The following PARVB variants were observed in gnomAD, a reference collection of about 807,000 sequenced individuals.
PARVB encodes beta-parvin.
Under a neutral mutation model 47.0 loss-of-function variants are expected in PARVB, and 46 were observed. The ratio of observed to expected loss-of-function variants is 0.98; its 90% confidence interval spans 0.77 to 1.25. PARVB has a LOEUF of 1.25. Among genes scored for constraint, PARVB ranks in the 50% most tolerant of loss-of-function variants. The probability of loss-of-function intolerance (pLI) is 0.00; values close to 1 mark genes in which losing one functional copy is unlikely to be tolerated. For synonymous variants in PARVB, 196 were observed against 196.3 expected (o/e 1.00, Z 0.01); for missense variants, 473 against 471.6 (o/e 1.00, Z -0.03).
chr22:44,096,289 C>T (rs931268482), intron 2 of PARVB, among the ~76,000 whole-genome samples: 15 of 152,288 alleles, frequency 9.8e-5, no homozygotes, highest in African/African-American at 3.4e-4. Flanking sequence ...CCCAGCTACT[C>T]AGGAGGCTGA....
At chr22:44,151,234 G>T (rs537721287) in intron 9 of PARVB, 4 of 441,228 alleles carry the variant, frequency 9.1e-6, no homozygotes, top group African/African-American at 6.0e-5. Flanking sequence ...ATGCGTGCAC[G>T]GATTGGCATA....
intron 8 of PARVB, chr22:44,140,689 G>A: frequency 2.1e-6 from 1 of 476,540 alleles, no homozygotes; most frequent in Non-Finnish European, 4.2e-6. Flanking sequence ...GAGTGTAAAA[G>A]GCTCTCCCCA....
At chr22:44,019,940 A>G (rs1275551753), upstream of PARVB, among the ~76,000 whole-genome samples, 1 of 152,198 alleles carries the variant, frequency 6.6e-6, no homozygotes, top group Admixed American at 6.5e-5. Flanking sequence ...ATTTGGAGGT[A>G]GGGTTGTATG....
chr22:44,094,056 A>G (rs2052237272), intron 2 of PARVB, 39 bp downstream of exon 2: 1 of 1,301,448 alleles, frequency 7.7e-7, no homozygotes, highest in Non-Finnish European at 1.1e-6. Context: ...GAGACAGTTG[A>G]GCTTCCGTGG....
At chr22:44,072,186 C>A (rs9625980) in intron 1 of PARVB, among the ~76,000 whole-genome samples, 2,829 of 152,308 alleles carry the variant, frequency 0.019, 100 homozygotes, top group African/African-American at 0.064. Flanking sequence ...GTTTCCAGAT[C>A]TGTAGAACCC....
chr22:44,137,876 C>A (rs1295585514), intron 7 of PARVB, among the ~76,000 whole-genome samples: 1 of 152,110 alleles, frequency 6.6e-6, no homozygotes, highest in Non-Finnish European at 1.5e-5. Flanking sequence ...CACAGGTCAT[C>A]CTGGATCAAG....
chr22:44,063,547 A>G (rs2051459813), intron 1 of PARVB, among the ~76,000 whole-genome samples: 1 of 152,004 alleles, frequency 6.6e-6, no homozygotes, highest in Admixed American at 6.6e-5. Flanking sequence ...ATTTCTTATT[A>G]TTTTACAAGC....
chr22:44,073,036 T>C (rs1293914558), intron 1 of PARVB, among the ~76,000 whole-genome samples: 1 of 152,192 alleles, frequency 6.6e-6, no homozygotes, highest in African/African-American at 2.4e-5. Context: ...TAAGTCCCCC[T>C]GTGGCCCACC....
chr22:44,034,151 A>C (rs2050873222), intron 1 of PARVB, among the ~76,000 whole-genome samples: 1 of 150,340 alleles, frequency 6.7e-6, no homozygotes, highest in Admixed American at 6.7e-5. Flanking sequence ...TAATTTTGGA[A>C]TTCATTGCAT....
At chr22:44,162,388 C>G (rs2054072478) in intron 11 of PARVB, among the ~76,000 whole-genome samples, 1 of 152,208 alleles carries the variant, frequency 6.6e-6, no homozygotes, top group Non-Finnish European at 1.5e-5. Context: ...GTGGCACAAT[C>G]TCAGCTCACT....
intron 1 of PARVB, among the ~76,000 whole-genome samples, chr22:44,048,237 A>C (rs1475497611): frequency 6.6e-6 from 1 of 152,180 alleles, no homozygotes; most frequent in Non-Finnish European, 1.5e-5. Flanking sequence ...AACTGAAAGC[A>C]CTTGTCTCGT....
intron 1 of PARVB, among the ~76,000 whole-genome samples, chr22:44,063,457 C>T (rs766519883): frequency 6.6e-6 from 1 of 152,126 alleles, no homozygotes; most frequent in Non-Finnish European, 1.5e-5. Context: ...AAACTCCTGA[C>T]CTCAGGTGAT....
At chr22:44,028,514 G>A (rs1390608753) in intron 1 of PARVB, among the ~76,000 whole-genome samples, 2 of 152,042 alleles carry the variant, frequency 1.3e-5, no homozygotes, top group East Asian at 3.9e-4. Context: ...ATAATATTCC[G>A]TTGTCTGGAT....
At chr22:44,094,359 G>A (rs1459855386) in intron 2 of PARVB, among the ~76,000 whole-genome samples, 6 of 149,722 alleles carry the variant, frequency 4.0e-5, no homozygotes, top group Non-Finnish European at 3.0e-5. Flanking sequence ...GCCATGCCAC[G>A]CCATGCCACG....
intron 1 of PARVB, among the ~76,000 whole-genome samples, chr22:44,063,038 C>T (rs1320209410): frequency 3.3e-5 from 5 of 152,096 alleles, no homozygotes. Context: ...CACCAAGAGT[C>T]ACCTCATTAG....
chr22:44,035,018 G>A (rs1011232928), intron 1 of PARVB, among the ~76,000 whole-genome samples: 1 of 151,996 alleles, frequency 6.6e-6, no homozygotes, highest in Non-Finnish European at 1.5e-5. Context: ...GCCACCATGT[G>A]TAACTTTTGA....
At chr22:44,036,149 C>T (rs2050919494) in intron 1 of PARVB, among the ~76,000 whole-genome samples, 1 of 152,076 alleles carries the variant, frequency 6.6e-6, no homozygotes, top group Non-Finnish European at 1.5e-5. Context: ...CCCAGCTACT[C>T]AGGAAGCTGA....
At chr22:44,167,284 G>C (rs1448154068) in intron 12 of PARVB, among the ~76,000 whole-genome samples, 1 of 152,218 alleles carries the variant, frequency 6.6e-6, no homozygotes, top group Non-Finnish European at 1.5e-5. Context: ...GGGGAGCACA[G>C]AGGGACTGAG....
intron 2 of PARVB, among the ~76,000 whole-genome samples, chr22:44,098,524 G>T (rs191017607): frequency 2.6e-5 from 4 of 152,268 alleles, no homozygotes; most frequent in Non-Finnish European, 5.9e-5. Context: ...GGAGCAGATT[G>T]CACCAGGAGG....
Sources: allele counts gnomAD v4.1 joint callset (sites outside exome capture counted in the v4.1 genomes callset), GRCh38; gene constraint gnomAD v4.1.1; transcripts MANE v1.5; gene names NCBI Gene and HGNC (gene_info 2026-07-23, HGNC 2026-07-21).